Variants in PAX7 observed in about 807,000 individuals in gnomAD.
The protein encoded by PAX7 is paired box protein Pax-7.
A neutral mutation model predicts 50.7 loss-of-function variants in PAX7; 18 were observed. That is an observed-to-expected ratio of 0.36 (90% CI 0.25 to 0.53). PAX7 has a LOEUF of 0.53. Ranked by LOEUF, PAX7 falls within the 20% of genes least tolerant of loss-of-function variation. The pLI, the probability that PAX7 is intolerant of heterozygous loss-of-function variation, is 0.93. For missense variants in PAX7, 644 were observed against 702.9 expected (o/e 0.92, Z 0.95); for synonymous variants, 310 against 290.4 (o/e 1.07, Z -0.69).
chr1:18,744,455 G>GACAGA (rs1931316838), intron 8 of PAX7, among the ~76,000 whole-genome samples: 1 of 150,986 alleles, frequency 6.6e-6, no homozygotes. Context: ...TGGATGGATG[G>GACAGA]ATGGATGGAT....
chr1:18,641,953 TC>T (rs111618204), intron 4 of PAX7, among the ~76,000 whole-genome samples: 61,335 of 138,740 alleles, frequency 0.44, 13,658 homozygotes, highest in Middle Eastern at 0.55. Context: ...CGGATTAACC[TC>T]CCCCCCCCCA....
intron 7 of PAX7, among the ~76,000 whole-genome samples, chr1:18,728,250 G>A (rs995704304): frequency 3.3e-5 from 5 of 152,098 alleles, no homozygotes; most frequent in Non-Finnish European, 4.4e-5. Context: ...TGTGCACATC[G>A]GGGAGGCCGG....
rs1041060811 is a variant in PAX7 at position 18,736,190 on chromosome 1, C to T, written c.1402+312C>T. 7.7e-5 allele frequency: 45 copies of T among 587,038 alleles called. No homozygotes were observed. In the Admixed American group the frequency reaches 1.1e-3, roughly 14 times the overall value. The allele number at this position is 587,038 out of a possible 1,614,324, so 36.4% of individuals were successfully genotyped here. ...AAAACATAAGAAGAAACAGGCCAGG[C>T]GTGGTGGCTCATGCCTGTAATCCCA... On this transcript the variant is annotated intron_variant, in intron 8 of 8. Transcript: ENST00000420770.
Position 18,636,123 on chromosome 1 carries a change from T to C in PAX7, c.452-114T>C, listed in dbSNP as rs2088151086. 4 of 1,066,010 alleles carry C rather than the reference T, an allele frequency of 3.8e-6. No homozygotes were observed. Among genetic ancestry groups the C allele is most frequent in the Admixed American group, 2.1e-5 (1 of 47,752 alleles). The allele number at this position is 1,066,010 out of a possible 1,614,324, so 66.0% of individuals were successfully genotyped here. ...TGCCTGTGTGTGGAAGAGGGATGAA[T>C]GGATATCTGTAAGGAAGCAGGGGGC... On this transcript the variant is annotated intron_variant, in intron 3 of 8. Transcript: ENST00000420770. This position sits in a 1 kb window ranked among gnomAD's most constrained non-coding sequence, Gnocchi z 5.1.
chr1:18,717,326 G>A (rs961543888), intron 7 of PAX7, among the ~76,000 whole-genome samples: 1 of 152,180 alleles, frequency 6.6e-6, no homozygotes, highest in Non-Finnish European at 1.5e-5. Context: ...GCGAAGGGAC[G>A]GGCAGCCGGT....
At position 18,691,781 on chromosome 1, in the gene PAX7, T is replaced by C. The variant is rs746440011; in HGVS notation, c.614T>C (p.Val205Ala). ...AACCGGCTGGACGAGGGCTCGGATGTGGAGTCGGAACCTGACCTCCCACTG... is the reference window on the plus strand; with the variant it reads ...AACCGGCTGGACGAGGGCTCGGATGCGGAGTCGGAACCTGACCTCCCACTG... Reference protein sequence around the residue: ...KGNRLDEGSDVESEPDLPLKR... With the variant: ...KGNRLDEGSDAESEPDLPLKR... The change falls in exon 5 of 9, where the codon GTG becomes GCG. Residue 205 changes from valine to alanine, a missense_variant. Val to Ala is a moderately conservative substitution (Grantham distance 64). Coordinates refer to ENST00000420770, the MANE Select transcript of PAX7 (RefSeq NM_001135254.2). The C allele has an allele frequency of 6.3e-7, 1 of 1,596,664 alleles. No homozygotes were observed. Among genetic ancestry groups the C allele is most frequent in the South Asian group, 1.1e-5 (1 of 88,294 alleles).
Position 18,636,461 on chromosome 1 carries a change from A to G in PAX7, c.586+90A>G, listed in dbSNP as rs538435862. The G allele has an allele frequency of 7.7e-5, 112 of 1,462,432 alleles. No individual in the cohort carries two copies. Among genetic ancestry groups the G allele is most frequent in the African/African-American group, 1.6e-4 (11 of 70,646 alleles). The allele number at this position is 1,462,432 out of a possible 1,614,324, so 90.6% of individuals were successfully genotyped here. ...AGTGGTTCGCTCCCGCCGCCGGAGC[A>G]GGCGACCAGAACTCCAGCGGAGAAA... On this transcript the variant is annotated intron_variant, in intron 4 of 8. Transcript: ENST00000420770. This position sits in a 1 kb window ranked among gnomAD's most constrained non-coding sequence, Gnocchi z 5.1.
chr1:18,686,109 G>A (rs376238299), intron 4 of PAX7, among the ~76,000 whole-genome samples: 2 of 152,168 alleles, frequency 1.3e-5, no homozygotes, highest in African/African-American at 2.4e-5. Context: ...CCTGTGCCCC[G>A]GTTCATCTGG....
Position 18,634,971 on chromosome 1 carries a change from C to G in PAX7, c.322-140C>G. The G allele has an allele frequency of 1.8e-6, 2 of 1,090,040 alleles. No individual in the cohort carries two copies. The highest frequency in any genetic ancestry group is 2.6e-6 in the Non-Finnish European group (2 of 777,766). 67.5% of individuals were successfully genotyped at this position (1,090,040 alleles called of 1,614,324 possible). A position where few individuals can be genotyped will look rare whatever the true frequency, so the allele number is the denominator to read the frequency against. ...GAACCGGTTTCTTGAAAGGATAAAG[C>G]CAATCTCTTGGGGGATGGGGGGACA... On this transcript the variant is annotated intron_variant, in intron 2 of 8. Coordinates refer to ENST00000420770, the MANE Select transcript of PAX7 (RefSeq NM_001135254.2). This position sits in a 1 kb window ranked among gnomAD's most constrained non-coding sequence, Gnocchi z 4.0.
At chr1:18,653,976 A>G (rs2088474225) in intron 4 of PAX7, among the ~76,000 whole-genome samples, 1 of 151,900 alleles carries the variant, frequency 6.6e-6, no homozygotes, top group Non-Finnish European at 1.5e-5. Context: ...GCTCCTGCCC[A>G]TTCTATGGGC....
chr1:18,728,777 A>C (rs1379576957), intron 7 of PAX7, among the ~76,000 whole-genome samples: 4 of 151,642 alleles, frequency 2.6e-5, no homozygotes, highest in Non-Finnish European at 4.4e-5. Context: ...AGCCAGGAGA[A>C]TTGCTTGAAC....
chr1:18,725,624 G>A (rs541048978), intron 7 of PAX7, among the ~76,000 whole-genome samples: 9 of 152,346 alleles, frequency 5.9e-5, no homozygotes, highest in South Asian at 2.1e-4. Context: ...CATTTGCCGC[G>A]TGAAAGTGTG....
At chr1:18,725,979 AGT>A (rs112228737) in intron 7 of PAX7, among the ~76,000 whole-genome samples, 11 of 145,632 alleles carry the variant, frequency 7.6e-5, no homozygotes, top group South Asian at 4.3e-4. Flanking sequence ...ACATTGGAAG[AGT>A]GTGTGTGTGT....
intron 5 of PAX7, among the ~76,000 whole-genome samples, chr1:18,693,145 A>G (rs1341050517): frequency 2.0e-5 from 3 of 152,112 alleles, no homozygotes; most frequent in Non-Finnish European, 2.9e-5. Context: ...GCATAGAGAG[A>G]GGGGAAAGAT....
In PAX7 at chr1:18,671,561, C is replaced by T. The variant is rs114305080; in HGVS notation, c.587-20193C>T. Among the ~76,000 whole-genome samples the T allele has an allele frequency of 2.7e-3, 416 of 151,718 alleles. 3 individuals carry two copies. Among genetic ancestry groups the T allele is most frequent in the African/African-American group, 9.3e-3 (384 of 41,388 alleles). ...TGGAGGTTGGGCCCTGGGAGGACGA[C>T]CTTGGAGAGACATATTCCCTCCCAG... On this transcript the variant is annotated intron_variant, in intron 4 of 8. Transcript: ENST00000420770.
chr1:18,685,626 T>C (rs1422154559), intron 4 of PAX7, among the ~76,000 whole-genome samples: 3 of 152,266 alleles, frequency 2.0e-5, no homozygotes, highest in East Asian at 1.9e-4. Flanking sequence ...AGGAAGCTCA[T>C]GTTCAAAGGC....
intron 4 of PAX7, among the ~76,000 whole-genome samples, chr1:18,651,788 T>C: frequency 6.7e-6 from 1 of 149,560 alleles, no homozygotes; most frequent in African/African-American, 2.5e-5. Flanking sequence ...CCTCCAGGCT[T>C]CACAGTGCCA....
chr1:18,701,413 T>C (rs1354017585), intron 6 of PAX7, among the ~76,000 whole-genome samples: 1 of 151,818 alleles, frequency 6.6e-6, no homozygotes, highest in Non-Finnish European at 1.5e-5. Context: ...TGTGTGCGTA[T>C]GAGTGAGTGA....
intron 1 of PAX7, among the ~76,000 whole-genome samples, chr1:18,633,294 G>T (rs1376295454): frequency 1.3e-5 from 2 of 152,148 alleles, no homozygotes; most frequent in African/African-American, 2.4e-5. Context: ...CTCCGCAGCC[G>T]CTGAGTCCCC....
Sources: gnomAD v4.1 joint callset for allele counts (sites outside exome capture counted in the v4.1 genomes callset) on GRCh38, gnomAD v4.1.1 for gene constraint, Gnocchi (gnomAD v3.1) non-coding constraint, MANE v1.5 for transcripts, NCBI Gene and HGNC (gene_info 2026-07-23, HGNC 2026-07-21) for gene names.